NAA15: variants seen among roughly 807,000 people sequenced by gnomAD.
NAA15 encodes the protein N-alpha-acetyltransferase 15, NatA auxiliary subunit.
NAA15 carries 34 observed loss-of-function variants against 114.0 expected under a neutral mutation model. The ratio of observed to expected loss-of-function variants is 0.30; its 90% CI spans 0.23 to 0.40. NAA15 has a LOEUF of 0.40. NAA15 is among the 10% of genes least tolerant of loss of function. NAA15 has a pLI of 1.00. For synonymous variants in NAA15, 340 were observed against 338.0 expected (o/e 1.01, Z -0.06); for missense variants, 658 against 1,004.5 (o/e 0.66, Z 4.66).
chr4:139,317,079 G>A (rs1202401395), intron 1 of NAA15, among the ~76,000 whole-genome samples: 1 of 151,756 alleles, frequency 6.6e-6, no homozygotes, highest in Non-Finnish European at 1.5e-5. Flanking sequence ...CTCAGATGGG[G>A]CCCTCTCCTG....
chr4:139,336,364 A>G (rs937087239), intron 2 of NAA15, among the ~76,000 whole-genome samples: 2 of 152,276 alleles, frequency 1.3e-5, no homozygotes, highest in Admixed American at 6.5e-5. Flanking sequence ...TAGTAATCTC[A>G]AATAATCATT....
At chr4:139,334,111 C>T (rs992406814) in intron 1 of NAA15, 63 bp from the exon 2 acceptor site, 17 of 942,118 alleles carry the variant, frequency 1.8e-5, no homozygotes, top group Admixed American at 1.6e-4. Context: ...AGAAATTTAG[C>T]GTTGAATTTA....
rs767760353 is a variant in NAA15, at chr4:139,351,476, A to G, written c.908-29A>G. ...AAATGTAAGTAAATACTTGATAAAT[A>G]TAAGCGAAAAGGATTTTTCTCTTCC... On this transcript the variant is annotated intron_variant, in intron 8 of 19. Coordinates refer to ENST00000296543, the MANE Select transcript of NAA15 (RefSeq NM_057175.5). 3.0e-5 allele frequency: 39 copies of G among 1,319,312 alleles called. 2 individuals are homozygous for G. In the South Asian group the frequency reaches 4.7e-4, roughly 16 times the overall value. The allele number at this position is 1,319,312 out of a possible 1,614,324, so 81.7% of individuals were successfully genotyped here.
chr4:139,342,417 T>G (rs188204242), intron 4 of NAA15, among the ~76,000 whole-genome samples: 1 of 152,262 alleles, frequency 6.6e-6, no homozygotes, highest in East Asian at 1.9e-4. Flanking sequence ...TGAAGTATTT[T>G]CTATTATTGT....
chr4:139,339,000 G>A (rs903315717), intron 3 of NAA15, among the ~76,000 whole-genome samples: 1 of 150,102 alleles, frequency 6.7e-6, no homozygotes, highest in Admixed American at 6.6e-5. Flanking sequence ...TAGTATAGAC[G>A]AGATTTTGCA....
At chr4:139,338,523 C>T (rs2110905447) in intron 3 of NAA15, among the ~76,000 whole-genome samples, 1 of 152,256 alleles carries the variant, frequency 6.6e-6, no homozygotes, top group Admixed American at 6.5e-5. Flanking sequence ...TCTCAGCTCA[C>T]TGCAACCTCT....
In NAA15 at chr4:139,389,696, A is replaced by G. The variant is rs1039505792; in HGVS notation, c.*1612A>G. ...GAGCAAATAAGATTAAGTAAAACAA[A>G]TCAATTGTATATATAATTGACCTTT... On this transcript the variant is annotated 3_prime_UTR_variant, in exon 20 of 20. Coordinates refer to ENST00000296543, the MANE Select transcript of NAA15 (RefSeq NM_057175.5). The G allele has an allele frequency of 2.0e-4, 31 of 152,772 alleles. No individual in the cohort carries two copies. Among genetic ancestry groups the G allele is most frequent in the African/African-American group, 7.0e-4 (29 of 41,586 alleles). 9.5% of individuals were successfully genotyped at this position (152,772 alleles called of 1,614,324 possible). A position where few individuals can be genotyped will look rare whatever the true frequency, so the allele number is the denominator to read the frequency against.
chr4:139,318,563 G>A (rs1308092106), intron 1 of NAA15: 2 of 152,082 alleles, frequency 1.3e-5, no homozygotes, highest in Non-Finnish European at 2.9e-5. Context: ...GGTCTAAAAT[G>A]TCAAAGGAGG....
intron 1 of NAA15, among the ~76,000 whole-genome samples, chr4:139,328,680 G>T (rs1035750269): frequency 2.7e-5 from 4 of 149,342 alleles, no homozygotes; most frequent in African/African-American, 7.4e-5. Flanking sequence ...TGATTCTCCT[G>T]CCTCAGCCTC....
At chr4:139,377,325 T>G (rs2110991675) in intron 16 of NAA15, among the ~76,000 whole-genome samples, 1 of 152,190 alleles carries the variant, frequency 6.6e-6, no homozygotes, top group East Asian at 1.9e-4. Flanking sequence ...TCACCTGAGG[T>G]CGGGAGTTTG....
chr4:139,330,289 AAAAC>A (rs944848654), intron 1 of NAA15, among the ~76,000 whole-genome samples: 3 of 152,234 alleles, frequency 2.0e-5, no homozygotes, highest in African/African-American at 7.2e-5. Flanking sequence ...TATTATAAGA[AAAAC>A]AAGCTACTTT....
chr4:139,367,474 T>A (rs1260513878), intron 14 of NAA15, among the ~76,000 whole-genome samples: 1 of 152,226 alleles, frequency 6.6e-6, no homozygotes, highest in Non-Finnish European at 1.5e-5. Flanking sequence ...GATTTACTAT[T>A]TCTGCCCATA....
In NAA15 at chr4:139,378,192, A is replaced by G. The variant is rs137875311; in HGVS notation, c.2057-564A>G. Among the ~76,000 whole-genome samples the G allele has an allele frequency of 4.6e-5, 7 of 152,298 alleles. No homozygotes were observed. In the East Asian group the frequency reaches 1.3e-3, roughly 29 times the overall value. On this transcript the variant is annotated intron_variant, in intron 16 of 19. Coordinates refer to ENST00000296543, the MANE Select transcript of NAA15 (RefSeq NM_057175.5). ...AAGTGGACTGAGTATTCAAGTGCAA[A>G]TTTCCATTTAACAGGTGGAGATACT...
At chr4:139,354,538 A>G (rs1352028078) in intron 10 of NAA15, among the ~76,000 whole-genome samples, 1 of 152,078 alleles carries the variant, frequency 6.6e-6, no homozygotes, top group Non-Finnish European at 1.5e-5. Context: ...GGCTCAAGTG[A>G]TCCTCTTGCA....
intron 1 of NAA15, among the ~76,000 whole-genome samples, chr4:139,313,828 C>T (rs527867436): frequency 4.6e-5 from 7 of 151,908 alleles, no homozygotes; most frequent in African/African-American, 9.7e-5. Flanking sequence ...TGAGCCACCG[C>T]GCCCGGCCTG....
intron 1 of NAA15, among the ~76,000 whole-genome samples, chr4:139,302,943 T>G (rs1745858604): frequency 6.6e-6 from 1 of 152,250 alleles, no homozygotes; most frequent in African/African-American, 2.4e-5. Flanking sequence ...TTGCCAAATT[T>G]AAGACTTTTA....
intron 14 of NAA15, among the ~76,000 whole-genome samples, chr4:139,362,573 G>T (rs1231948230): frequency 6.6e-6 from 1 of 152,098 alleles, no homozygotes; most frequent in African/African-American, 2.4e-5. Context: ...GGGATTACAG[G>T]CATGAGCCAC....
intron 9 of NAA15, among the ~76,000 whole-genome samples, chr4:139,353,366 T>C (rs567082944): frequency 6.6e-6 from 1 of 152,318 alleles, no homozygotes; most frequent in Admixed American, 6.5e-5. Flanking sequence ...CTGATATTAG[T>C]CTGTTGAGTC....
intron 1 of NAA15, among the ~76,000 whole-genome samples, chr4:139,311,304 C>T (rs1189422277): frequency 1.3e-5 from 2 of 151,766 alleles, no homozygotes; most frequent in Admixed American, 1.3e-4. Flanking sequence ...AAATGATGTA[C>T]CATAGTAGAT....
Sources: allele counts gnomAD v4.1 joint callset (sites outside exome capture counted in the v4.1 genomes callset), GRCh38; gene constraint gnomAD v4.1.1; transcripts MANE v1.5; gene names NCBI Gene and HGNC (gene_info 2026-07-23, HGNC 2026-07-21).